The following RALYL variants were observed in gnomAD, a reference collection of about 807,000 sequenced individuals.
The protein encoded by RALYL is RNA-binding Raly-like protein.
Under a neutral mutation model 35.1 loss-of-function variants are expected in RALYL, and 29 were observed. That is an observed-to-expected ratio of 0.83 (90% confidence interval 0.61 to 1.13). RALYL has a LOEUF of 1.13. Ranked by LOEUF, RALYL falls within the 50% of genes most tolerant of loss-of-function variation. The pLI is 0.00. For missense variants in RALYL, 359 were observed against 360.4 expected (o/e 1.00, Z 0.03); for synonymous variants, 120 against 127.6 (o/e 0.94, Z 0.40).
chr8:84,277,901 G>A lies in RALYL; in HGVS notation c.-24+93477G>A, dbSNP rs150364388. On this transcript the variant is annotated intron_variant, in intron 1 of 8. Coordinates refer to ENST00000521268, the MANE Select transcript of RALYL (RefSeq NM_173848.7). ...CGCTCCTGGCTGCTTTCATGGGCTG[G>A]CATTGAGTGTCTGTGGCTTTTCCAG... is the stretch of plus-strand genomic sequence containing the variant. 5.5e-3 allele frequency among the ~76,000 whole-genome samples: 837 copies of A among 152,334 alleles called. 11 individuals are homozygous for A. The highest frequency in any genetic ancestry group is 0.019 in the African/African-American group (786 of 41,580).
At chr8:84,451,479 A>G (rs1422348255) in intron 1 of RALYL, among the ~76,000 whole-genome samples, 1 of 151,974 alleles carries the variant, frequency 6.6e-6, no homozygotes, top group Non-Finnish European at 1.5e-5. Context: ...ATTTATTTTC[A>G]TTTATATACA....
intron 1 of RALYL, among the ~76,000 whole-genome samples, chr8:84,478,405 T>C (rs2053657403): frequency 6.6e-6 from 1 of 152,182 alleles, no homozygotes; most frequent in Non-Finnish European, 1.5e-5. Context: ...GCAATTGAGC[T>C]GAATAAAAGA....
At chr8:84,268,787 G>T (rs916647673) in intron 1 of RALYL, among the ~76,000 whole-genome samples, 26 of 152,242 alleles carry the variant, frequency 1.7e-4, no homozygotes, top group African/African-American at 6.3e-4. Flanking sequence ...AAGTAAGTGA[G>T]AAAACTGCAT....
intron 1 of RALYL, among the ~76,000 whole-genome samples, chr8:84,204,988 C>A (rs1817730237): frequency 6.6e-6 from 1 of 152,108 alleles, no homozygotes; most frequent in Non-Finnish European, 1.5e-5. Flanking sequence ...CCCAGGATGA[C>A]AGGGCTAGTA....
chr8:84,416,459 T>C (rs1262366573), intron 1 of RALYL, among the ~76,000 whole-genome samples: 1 of 152,180 alleles, frequency 6.6e-6, no homozygotes, highest in East Asian at 1.9e-4. Context: ...GGCTGAATAA[T>C]AGTTCCCATA....
chr8:84,741,198 T>C (rs1379025355), intron 2 of RALYL, among the ~76,000 whole-genome samples: 1 of 151,928 alleles, frequency 6.6e-6, no homozygotes, highest in Non-Finnish European at 1.5e-5. Context: ...GAACATCGTG[T>C]CTCTTGGAGT....
intron 2 of RALYL, among the ~76,000 whole-genome samples, chr8:84,722,736 C>T (rs7820496): frequency 0.33 from 47,231 of 143,550 alleles, 9,167 homozygotes; most frequent in African/African-American, 0.55. Flanking sequence ...TAATATTATA[C>T]ATATCACTCT....
rs565162498 is a variant in RALYL at position 84,488,051 on chromosome 8, A to G, written c.-23-41248A>G. ...CCAAAATAGCTTTTATTGAGGAAGA[A>G]TGATTGAAGTGTTAGCATCCATACA... On this transcript the variant is annotated intron_variant, in intron 1 of 8. Transcript: ENST00000521268. Among the ~76,000 whole-genome samples the G allele has an allele frequency of 7.6e-4, 116 of 152,076 alleles. 1 individual carries two copies. The highest frequency in any genetic ancestry group is 1.7e-3 in the Admixed American group (26 of 15,230).
At chr8:84,418,888 A>G (rs945483954) in intron 1 of RALYL, among the ~76,000 whole-genome samples, 3 of 151,054 alleles carry the variant, frequency 2.0e-5, no homozygotes, top group South Asian at 2.1e-4. Flanking sequence ...TTTTTTTTCC[A>G]TTTTATCACC....
intron 4 of RALYL, among the ~76,000 whole-genome samples, chr8:84,823,468 G>A (rs1472164907): frequency 6.6e-6 from 1 of 152,108 alleles, no homozygotes; most frequent in African/African-American, 2.4e-5. Context: ...AAAGCCAGGT[G>A]GGTTTAGTTT....
chr8:84,565,938 C>G (rs1564155256), intron 2 of RALYL, among the ~76,000 whole-genome samples: 1 of 151,472 alleles, frequency 6.6e-6, no homozygotes, highest in Non-Finnish European at 1.5e-5. Context: ...TTCTTTCACC[C>G]CATCTCTTCC....
chr8:84,405,025 C>A (rs2043318142), intron 1 of RALYL, among the ~76,000 whole-genome samples: 1 of 152,202 alleles, frequency 6.6e-6, no homozygotes, highest in African/African-American at 2.4e-5. Flanking sequence ...TGTCAGACCA[C>A]AGGGTAAGCA....
chr8:84,295,899 T>G (rs1304004917), intron 1 of RALYL, among the ~76,000 whole-genome samples: 2 of 152,120 alleles, frequency 1.3e-5, no homozygotes, highest in Non-Finnish European at 2.9e-5. Context: ...CTTGAACTTG[T>G]TTGCTTTTGC....
chr8:84,678,207 C>A (rs747910244), intron 2 of RALYL, among the ~76,000 whole-genome samples: 24 of 152,130 alleles, frequency 1.6e-4, no homozygotes, highest in Admixed American at 1.2e-3. Context: ...TTATGAATTA[C>A]TTCCTATAAA....
intron 1 of RALYL, among the ~76,000 whole-genome samples, chr8:84,195,899 A>C (rs1815157082): frequency 6.6e-6 from 1 of 152,204 alleles, no homozygotes; most frequent in Admixed American, 6.5e-5. Flanking sequence ...AATTAACATG[A>C]GTTTGCACCT....
intron 2 of RALYL, among the ~76,000 whole-genome samples, chr8:84,579,413 G>A (rs1450068299): frequency 1.3e-5 from 2 of 152,130 alleles, no homozygotes; most frequent in Non-Finnish European, 2.9e-5. Context: ...AGCTGCAGCT[G>A]TGCCCAGGAG....
At chr8:84,751,743 G>A (rs1430277253) in intron 2 of RALYL, among the ~76,000 whole-genome samples, 1 of 152,040 alleles carries the variant, frequency 6.6e-6, no homozygotes, top group Non-Finnish European at 1.5e-5. Context: ...ATGAAATCCT[G>A]ACTGCCCCCT....
chr8:84,574,251 A>G (rs1200433095), intron 2 of RALYL, among the ~76,000 whole-genome samples: 1 of 152,074 alleles, frequency 6.6e-6, no homozygotes, highest in Non-Finnish European at 1.5e-5. Flanking sequence ...GGTTGTTCAA[A>G]AAAGTCTTAT....
chr8:84,273,699 A>G (rs1361245676), intron 1 of RALYL, among the ~76,000 whole-genome samples: 1 of 152,254 alleles, frequency 6.6e-6, no homozygotes, highest in African/African-American at 2.4e-5. Context: ...AGTTCCTACA[A>G]AGAAAGTCTG....
Sources: gnomAD v4.1 joint callset for allele counts (sites outside exome capture counted in the v4.1 genomes callset) on GRCh38, gnomAD v4.1.1 for gene constraint, MANE v1.5 for transcripts, NCBI Gene and HGNC (gene_info 2026-07-23, HGNC 2026-07-21) for gene names.